Variants in PPP6R3 observed in about 807,000 individuals in gnomAD.
PPP6R3 encodes protein phosphatase 6 regulatory subunit 3.
A neutral mutation model predicts 110.7 loss-of-function variants in PPP6R3; 38 were observed. That is an observed-to-expected ratio of 0.34 (90% CI 0.26 to 0.45). PPP6R3 has a LOEUF of 0.45. Ranked by LOEUF, PPP6R3 falls within the 20% of genes least tolerant of loss-of-function variation. The probability of loss-of-function intolerance (pLI) is 1.00; values close to 1 mark genes in which losing one functional copy is unlikely to be tolerated. For synonymous variants in PPP6R3, 369 were observed against 373.5 expected, an observed-to-expected ratio of 0.99 and a Z score of 0.14; for missense variants, 870 against 1,062.4, an observed-to-expected ratio of 0.82 and a Z score of 2.52.
At chr11:68,484,541 A>AT (rs1245626795) in intron 1 of PPP6R3, among the ~76,000 whole-genome samples, 1 of 151,398 alleles carries the variant, frequency 6.6e-6, no homozygotes, top group African/African-American at 2.4e-5. Context: ...CAGGTTGTTC[A>AT]TTTTTTTGAG....
intron 1 of PPP6R3, among the ~76,000 whole-genome samples, chr11:68,475,663 G>A (rs1262564628): frequency 3.5e-4 from 43 of 121,244 alleles, no homozygotes; most frequent in Admixed American, 2.2e-3. Context: ...CGGACGGGGC[G>A]GCTGGCCGGG....
At chr11:68,605,606 G>A (rs1376070571) in intron 22 of PPP6R3, among the ~76,000 whole-genome samples, 1 of 152,128 alleles carries the variant, frequency 6.6e-6, no homozygotes, top group East Asian at 1.9e-4. Context: ...ACCATAAAAA[G>A]CCAAACCATA....
intron 2 of PPP6R3, among the ~76,000 whole-genome samples, chr11:68,530,842 G>A (rs999535548): frequency 6.6e-6 from 1 of 152,202 alleles, no homozygotes; most frequent in Non-Finnish European, 1.5e-5. Context: ...ATATAAAGTT[G>A]CCAAATTTAA....
intron 5 of PPP6R3, among the ~76,000 whole-genome samples, chr11:68,549,055 T>C (rs774386623): frequency 2.6e-5 from 4 of 152,176 alleles, no homozygotes; most frequent in Non-Finnish European, 2.9e-5. Context: ...CACACCTGGC[T>C]AATTTTTGTG....
intron 1 of PPP6R3, among the ~76,000 whole-genome samples, chr11:68,471,295 A>G (rs925244133): frequency 1.3e-4 from 19 of 151,760 alleles, no homozygotes; most frequent in Admixed American, 1.1e-3. Context: ...AAAAAAAAAA[A>G]AAAAAGAAAA....
intron 1 of PPP6R3, among the ~76,000 whole-genome samples, chr11:68,483,253 T>C (rs1363561446): frequency 1.3e-5 from 2 of 152,252 alleles, no homozygotes; most frequent in African/African-American, 2.4e-5. Flanking sequence ...TTAAATTCTA[T>C]AAATGACCAA....
intron 1 of PPP6R3, among the ~76,000 whole-genome samples, chr11:68,462,759 C>T (rs1449878599): frequency 6.6e-6 from 1 of 152,184 alleles, no homozygotes; most frequent in African/African-American, 2.4e-5. Flanking sequence ...ATACTCTCCT[C>T]CATGGTGCTC....
Position 68,569,753 on chromosome 11 carries a change from G to A in PPP6R3, c.1134G>A (p.Met378Ile), listed in dbSNP as rs775641032. Residue 378 changes from methionine (M) to isoleucine (I), a missense_variant, in exon 11 of 24, where the codon ATG becomes ATA. Met to Ile is a conservative substitution (Grantham distance 10, BLOSUM62 1). Transcript: ENST00000393800. ...ELNSIGVILN[M>I]FFKYTWNNFL... Reference sequence around the variant, plus strand: ...ATGGTTTTTCTTTTTTGTAGAACATGTTCTTCAAGTATACATGGAATAACT... The same window carrying A: ...ATGGTTTTTCTTTTTTGTAGAACATATTCTTCAAGTATACATGGAATAACT... The A allele has an allele frequency of 7.0e-6, 11 of 1,574,708 alleles. No individual in the cohort carries two copies. The highest frequency in any genetic ancestry group is 9.5e-6 in the Non-Finnish European group (11 of 1,154,656).
intron 1 of PPP6R3, chr11:68,505,057 T>C (rs1230257622): frequency 3.3e-5 from 5 of 152,232 alleles, no homozygotes; most frequent in Non-Finnish European, 7.3e-5. Flanking sequence ...TTTGTTCTTT[T>C]CTATGTCTTC....
At chr11:68,569,472 A>G (rs1027523689) in intron 10 of PPP6R3, among the ~76,000 whole-genome samples, 17 of 152,232 alleles carry the variant, frequency 1.1e-4, no homozygotes, top group African/African-American at 3.9e-4. Context: ...CTATACTGTA[A>G]TGAATGTTAT....
chr11:68,505,369 C>T (rs1260323412), intron 1 of PPP6R3: 2 of 152,262 alleles, frequency 1.3e-5, no homozygotes, highest in Non-Finnish European at 2.9e-5. Context: ...TCGAGTTGAA[C>T]TCTTACATTT....
intron 22 of PPP6R3, 146 bp from the exon 23 acceptor site, chr11:68,609,758 C>T (rs959179356): frequency 6.3e-5 from 97 of 1,549,898 alleles, no homozygotes; most frequent in African/African-American, 8.2e-5. Context: ...GTTGTGTGAT[C>T]GTGCACCCTG....
intron 19 of PPP6R3, among the ~76,000 whole-genome samples, chr11:68,597,674 G>T (rs905599447): frequency 2.0e-5 from 3 of 151,934 alleles, no homozygotes; most frequent in Non-Finnish European, 4.4e-5. Context: ...GTTGTTGTTG[G>T]TTTTTTTAAT....
chr11:68,509,468 CTA>C (rs2099096456), intron 1 of PPP6R3, among the ~76,000 whole-genome samples: 1 of 106,076 alleles, frequency 9.4e-6, no homozygotes, highest in Non-Finnish European at 2.0e-5. Context: ...TTTTACTTCT[CTA>C]TTTTTTTTTT....
In PPP6R3 at chr11:68,558,712, A is replaced by T. The variant is rs758829811; in HGVS notation, c.845+33A>T. 4 of 1,496,388 alleles carry T rather than the reference A, an allele frequency of 2.7e-6. No homozygotes were observed. The South Asian group carries it at 4.7e-5, about 17-fold the overall frequency. The allele number at this position is 1,496,388 out of a possible 1,614,324, so 92.7% of individuals were successfully genotyped here. On this transcript the variant is annotated intron_variant, in intron 8 of 23. Coordinates refer to ENST00000393800, the MANE Select transcript of PPP6R3 (RefSeq NM_001164161.2). ...TTTCTTATATCTTACAAAATGAACC[A>T]TGTTGTTTTGCTTTCAGATTTAAGA...
intron 22 of PPP6R3, among the ~76,000 whole-genome samples, chr11:68,607,963 TTA>T (rs1249533329): frequency 5.9e-5 from 9 of 151,962 alleles, no homozygotes; most frequent in Non-Finnish European, 1.0e-4. Flanking sequence ...GTTTACTTTT[TTA>T]TTTTTGTGGC....
chr11:68,574,188 GGCCCCAACA>G lies in PPP6R3; in HGVS notation c.1425_1433del (p.Pro476_Ser478del). 6.2e-7 allele frequency: 1 copy of G among 1,613,970 alleles called. No individual in the cohort carries two copies. The highest frequency in any genetic ancestry group is 8.5e-7 in the Non-Finnish European group (1 of 1,179,894). Reference sequence around the variant, plus strand: ...CTGTATCGTGCACAGCACTGACAAGGGCCCCAACAGTGCATTAGTGCAGCAGCTTATCAA... The same window carrying G: ...CTGTATCGTGCACAGCACTGACAAGGGTGCATTAGTGCAGCAGCTTATCAA... On this transcript the variant is annotated inframe_deletion, in exon 13 of 24. Coordinates refer to ENST00000393800, the MANE Select transcript of PPP6R3 (RefSeq NM_001164161.2).
chr11:68,560,928 G>T (rs1409990049), intron 8 of PPP6R3, among the ~76,000 whole-genome samples: 2 of 120,214 alleles, frequency 1.7e-5, no homozygotes, highest in African/African-American at 3.2e-5. Context: ...ACAGAGTCTC[G>T]TTCTGTCACC....
chr11:68,532,932 C>T (rs558587508), intron 2 of PPP6R3, among the ~76,000 whole-genome samples: 1 of 152,312 alleles, frequency 6.6e-6, no homozygotes, highest in African/African-American at 2.4e-5. Context: ...ACGACGAAGT[C>T]ACCTGACGAA....
Sources: allele counts gnomAD v4.1 joint callset (sites outside exome capture counted in the v4.1 genomes callset), GRCh38; gene constraint gnomAD v4.1.1; transcripts MANE v1.5; gene names NCBI Gene and HGNC (gene_info 2026-07-23, HGNC 2026-07-21).